The following PSIP1 variants were observed in gnomAD, a reference collection of about 807,000 sequenced individuals.
The protein encoded by PSIP1 is PC4 and SRSF1 interacting protein 1, also known as PC4 and SFRS1-interacting protein.
PSIP1 carries 19 observed loss-of-function variants against 74.7 expected under a neutral mutation model. The ratio of observed to expected loss-of-function variants is 0.25; its 90% CI spans 0.18 to 0.37. The LOEUF (loss-of-function observed/expected upper bound fraction) is 0.37, where lower values mean the gene tolerates loss of function less well. Ranked by LOEUF, PSIP1 falls within the 10% of genes least tolerant of loss-of-function variation. The pLI is 1.00. For synonymous variants in PSIP1, 222 were observed against 195.3 expected, an observed-to-expected ratio of 1.14 and a Z score of -1.14; for missense variants, 601 against 614.3, an observed-to-expected ratio of 0.98 and a Z score of 0.23.
intron 15 of PSIP1, chr9:15,466,069 AGGGT>A (rs2035603664): frequency 6.5e-6 from 1 of 153,318 alleles, no homozygotes. Context: ...AGCCTATTTT[AGGGT>A]GGGTATTAAA....
rs1190899234 is a variant in PSIP1, at chr9:15,478,536, A to T, written c.570T>A (p.Ile190=). 6.2e-7 allele frequency: 1 copy of T among 1,602,056 alleles called. No individual in the cohort carries two copies. Among genetic ancestry groups the T allele is most frequent in the Non-Finnish European group, 8.6e-7 (1 of 1,169,394 alleles). Residue 190 remains isoleucine, a synonymous_variant, in exon 8 of 16, where the codon ATT becomes ATA. Transcript: ENST00000380733. Reference sequence around the variant, plus strand: ...TTTTGGGTCTGCCTCTTGGTTTTGGAATCTTGACTTCTGTAGCTAATATAC... The same window carrying T: ...TTTTGGGTCTGCCTCTTGGTTTTGGTATCTTGACTTCTGTAGCTAATATAC... The part of the protein sequence containing the change: ...RGRPAATEVK[I]PKPRGRPKMV...
chr9:15,469,735 T>G (rs4741508), intron 11 of PSIP1, among the ~76,000 whole-genome samples: 106,364 of 152,030 alleles, frequency 0.7, 39,529 homozygotes, highest in Non-Finnish European at 0.82. Context: ...TTAATGAGCA[T>G]TAAACATAAA....
At chr9:15,485,720 T>C (rs969835891) in intron 6 of PSIP1, among the ~76,000 whole-genome samples, 4 of 152,190 alleles carry the variant, frequency 2.6e-5, no homozygotes, top group South Asian at 2.1e-4. Flanking sequence ...CTCCACAACC[T>C]TGGAGTATAT....
At chr9:15,494,565 C>CAAAA (rs57170853) in intron 3 of PSIP1, among the ~76,000 whole-genome samples, 13 of 37,562 alleles carry the variant, frequency 3.5e-4, no homozygotes, top group African/African-American at 8.6e-4. Flanking sequence ...AACTGCATCT[C>CAAAA]AAAAAAAAAA....
intron 3 of PSIP1, among the ~76,000 whole-genome samples, chr9:15,496,615 C>T (rs2037086552): frequency 6.6e-6 from 1 of 152,036 alleles, no homozygotes; most frequent in Non-Finnish European, 1.5e-5. Flanking sequence ...AAAAATTCAC[C>T]CCTTGCTCCT....
At chr9:15,491,538 C>A (rs770270194) in intron 3 of PSIP1, among the ~76,000 whole-genome samples, 20 of 152,128 alleles carry the variant, frequency 1.3e-4, no homozygotes, top group African/African-American at 1.9e-4. Flanking sequence ...CGAGCCTCAA[C>A]TGTTTGCATA....
chr9:15,493,558 C>G (rs1424144994), intron 3 of PSIP1, among the ~76,000 whole-genome samples: 1 of 152,152 alleles, frequency 6.6e-6, no homozygotes, highest in African/African-American at 2.4e-5. Flanking sequence ...CCATATTAGT[C>G]AGTTCTCACA....
chr9:15,471,972 A>G, intron 10 of PSIP1: 2 of 974,238 alleles, frequency 2.1e-6, no homozygotes, highest in Non-Finnish European at 2.4e-6. Flanking sequence ...CTAGGAAAGC[A>G]AATGTAATAA....
At chr9:15,488,783 G>GA (rs1563884808) in intron 4 of PSIP1, among the ~76,000 whole-genome samples, 1 of 150,758 alleles carries the variant, frequency 6.6e-6, no homozygotes, top group Non-Finnish European at 1.5e-5. Context: ...ACACTCTGGG[G>GA]GGCCGAGGCG....
chr9:15,473,927 C>CAAAAAAAAAACAAAAAAAAAAAAAA, intron 9 of PSIP1, 82 bp downstream of exon 9: 1 of 514,486 alleles, frequency 1.9e-6, no homozygotes, highest in South Asian at 5.6e-5. Context: ...AAAAAAAAAA[C>CAAAAAAAAAACAAAAAAAAAAAAAA]AAAAAAAAAA....
chr9:15,468,042 C>T (rs1022001502), intron 14 of PSIP1, among the ~76,000 whole-genome samples: 2 of 147,372 alleles, frequency 1.4e-5, no homozygotes, highest in African/African-American at 5.3e-5. Context: ...ATCGCTTGAA[C>T]CCAGAAGGTG....
intron 8 of PSIP1, among the ~76,000 whole-genome samples, chr9:15,474,543 T>C (rs1156816355): frequency 6.6e-6 from 1 of 152,162 alleles, no homozygotes; most frequent in Non-Finnish European, 1.5e-5. Context: ...AATACGGTCG[T>C]TTTAGAACTC....
At chr9:15,470,728 A>G (rs961515151) in intron 10 of PSIP1, 18 of 956,164 alleles carry the variant, frequency 1.9e-5, no homozygotes, top group Non-Finnish European at 5.0e-6. Context: ...GATTAAAAAA[A>G]CATTTATTAA....
intron 3 of PSIP1, among the ~76,000 whole-genome samples, chr9:15,494,811 A>AC (rs1330462058): frequency 8.5e-5 from 13 of 152,156 alleles, no homozygotes; most frequent in Non-Finnish European, 5.9e-5. Flanking sequence ...ATTTTACTAG[A>AC]CATCATTAAT....
intron 4 of PSIP1, among the ~76,000 whole-genome samples, chr9:15,488,280 G>A (rs1016605649): frequency 2.0e-5 from 3 of 151,940 alleles, no homozygotes; most frequent in Admixed American, 6.6e-5. Flanking sequence ...TCAGTGAGCC[G>A]AGATCACGCC....
intron 6 of PSIP1, among the ~76,000 whole-genome samples, chr9:15,483,194 G>C (rs1046032904): frequency 2.0e-5 from 3 of 151,836 alleles, no homozygotes; most frequent in African/African-American, 7.3e-5. Context: ...TCCCTCTTTG[G>C]TGCCAGAACA....
chr9:15,495,880 T>C (rs1216940784), intron 3 of PSIP1, among the ~76,000 whole-genome samples: 1 of 152,234 alleles, frequency 6.6e-6, no homozygotes, highest in Non-Finnish European at 1.5e-5. Context: ...AAACCATCTA[T>C]ATTCACAAGG....
chr9:15,508,255 T>C (rs1275257692), intron 2 of PSIP1, among the ~76,000 whole-genome samples: 1 of 152,146 alleles, frequency 6.6e-6, no homozygotes, highest in African/African-American at 2.4e-5. Flanking sequence ...ATATGGACTC[T>C]AAACTCTACA....
rs949827255 is a variant in PSIP1 at position 15,464,884 on chromosome 9, G to A, written c.*636C>T. On this transcript the variant is annotated 3_prime_UTR_variant, in exon 16 of 16. Transcript: ENST00000380733. ...TTCAAAAATTAATGTTTTATAGTTT[G>A]TAGAATTCTCAGTTCCATGTCAGTT... 26 of 211,988 alleles carry A rather than the reference G, an allele frequency of 1.2e-4. No homozygotes were observed. The highest frequency in any genetic ancestry group is 5.7e-4 in the African/African-American group (25 of 44,144). 13.1% of individuals were successfully genotyped at this position (211,988 alleles called of 1,614,324 possible).
Sources: allele counts gnomAD v4.1 joint callset (sites outside exome capture counted in the v4.1 genomes callset), GRCh38; gene constraint gnomAD v4.1.1; transcripts MANE v1.5; gene names NCBI Gene and HGNC (gene_info 2026-07-23, HGNC 2026-07-21).